UNC79: variants seen among roughly 807,000 people sequenced by gnomAD.
UNC79 encodes the protein unc-79 subunit of NALCN channel complex.
UNC79 carries 37 observed loss-of-function variants against 283.1 expected under a neutral mutation model. That is an observed-to-expected ratio of 0.13 (90% CI 0.10 to 0.17). The LOEUF (loss-of-function observed/expected upper bound fraction) is 0.17. Ranked by LOEUF, UNC79 falls within the 10% of genes least tolerant of loss-of-function variation. The pLI, the probability that UNC79 is intolerant of heterozygous loss-of-function variation, is 1.00. For synonymous variants in UNC79, 1,107 were observed against 1,200.2 expected (o/e 0.92, Z 1.61); for missense variants, 2,272 against 3,211.1 (o/e 0.71, Z 7.07).
chr14:93,681,901 A>G (rs2073874584), intron 41 of UNC79, among the ~76,000 whole-genome samples: 1 of 152,240 alleles, frequency 6.6e-6, no homozygotes, highest in Admixed American at 6.5e-5. Context: ...ATAACTGGCT[A>G]ATGGATTTGC....
intron 1 of UNC79, among the ~76,000 whole-genome samples, chr14:93,375,494 C>G (rs909420645): frequency 5.9e-5 from 9 of 152,242 alleles, no homozygotes; most frequent in African/African-American, 1.9e-4. Flanking sequence ...GTGTATTAGT[C>G]CATTCTCACA....
intron 42 of UNC79, among the ~76,000 whole-genome samples, chr14:93,683,470 A>T (rs1414275679): frequency 6.6e-6 from 1 of 152,152 alleles, no homozygotes; most frequent in East Asian, 1.9e-4. Flanking sequence ...ACTGCAAGGG[A>T]TGATGGGAAA....
intron 22 of UNC79, among the ~76,000 whole-genome samples, chr14:93,588,973 T>C (rs560548294): frequency 9.2e-5 from 14 of 152,224 alleles, no homozygotes; most frequent in Non-Finnish European, 1.8e-4. Flanking sequence ...ACGGCTGACT[T>C]AAGCCTTAAG....
chr14:93,595,992 C>A (rs1258184910), intron 23 of UNC79, among the ~76,000 whole-genome samples: 1 of 152,018 alleles, frequency 6.6e-6, no homozygotes, highest in Non-Finnish European at 1.5e-5. Flanking sequence ...TAGATATGTG[C>A]TAGGTGCTAT....
At chr14:93,560,267 A>G (rs12894988) in intron 14 of UNC79, among the ~76,000 whole-genome samples, 131,494 of 152,142 alleles carry the variant, frequency 0.86, 56,915 homozygotes, top group East Asian at 0.94. Context: ...TTGGGGCTCT[A>G]TCCTTGAGTT....
At chr14:93,630,535 T>C (rs2067942754) in intron 30 of UNC79, among the ~76,000 whole-genome samples, 2 of 152,218 alleles carry the variant, frequency 1.3e-5, no homozygotes, top group Non-Finnish European at 2.9e-5. Context: ...GGATATGCAT[T>C]GTGAACAGCT....
intron 7 of UNC79, among the ~76,000 whole-genome samples, chr14:93,501,319 A>G (rs943570240): frequency 6.6e-6 from 1 of 152,010 alleles, no homozygotes; most frequent in East Asian, 1.9e-4. Flanking sequence ...CCAAGACTCC[A>G]TCTCAAAAAC....
At chr14:93,557,287 T>C (rs1286640935) in intron 14 of UNC79, among the ~76,000 whole-genome samples, 1 of 152,226 alleles carries the variant, frequency 6.6e-6, no homozygotes, top group African/African-American at 2.4e-5. Context: ...ATCTGGACTT[T>C]CTGCTGTTGT....
intron 14 of UNC79, among the ~76,000 whole-genome samples, chr14:93,564,402 C>T (rs12887857): frequency 3.9e-5 from 6 of 152,064 alleles, no homozygotes; most frequent in African/African-American, 7.2e-5. Flanking sequence ...TGGACATGAT[C>T]GGCAGGGAGA....
rs2057691041 is a variant in UNC79, at chr14:93,474,504, G to T, written c.448+111G>T. 1.6e-6 allele frequency: 2 copies of T among 1,225,358 alleles called. No homozygotes were observed. The highest frequency in any genetic ancestry group is 2.6e-5 in the Admixed American group (1 of 38,088). 75.9% of individuals were successfully genotyped at this position (1,225,358 alleles called of 1,614,324 possible). A position where few individuals can be genotyped will look rare whatever the true frequency, so the allele number is the denominator to read the frequency against. ...CTGTTGTAATCAATCACCTGAAAGG[G>T]CTTTGTGTGGCTAGAAGCACTACAC... On this transcript the variant is annotated intron_variant, in intron 3 of 48. Coordinates refer to ENST00000555664, the Ensembl canonical transcript of UNC79. The surrounding 1 kb of genome is among the most constrained non-coding windows in gnomAD (Gnocchi z 4.1).
At chr14:93,409,433 A>G (rs1467584047) in intron 1 of UNC79, among the ~76,000 whole-genome samples, 1 of 152,228 alleles carries the variant, frequency 6.6e-6, no homozygotes, top group African/African-American at 2.4e-5. Flanking sequence ...GCTCATACCT[A>G]TAATTCCAGT....
chr14:93,655,350 A>C (rs1163694093), exon 38 of UNC79: 1 of 1,614,140 alleles, frequency 6.2e-7, no homozygotes. Context: ...TCTGGACCAC[A>C]ATTAGCAACC....
chr14:93,679,236 G>A lies in UNC79; in HGVS notation c.6742-3381G>A, dbSNP rs940767366. On this transcript the variant is annotated intron_variant, in intron 41 of 48. Coordinates refer to ENST00000555664, the Ensembl canonical transcript of UNC79. ...AACACTTTGGGAGGCTGAGGCAGGC[G>A]GATCACGAAGTCAAGAGATCGAGAC... 5.9e-5 allele frequency among the ~76,000 whole-genome samples: 9 copies of A among 152,132 alleles called. No individual in the cohort carries two copies. In the South Asian group the frequency reaches 8.3e-4, roughly 14 times the overall value.
chr14:93,682,761 C>T, intron 42 of UNC79, 67 bp downstream of exon 45: 1 of 1,500,882 alleles, frequency 6.7e-7, no homozygotes, highest in Non-Finnish European at 9.2e-7. Flanking sequence ...AGAATGTAGG[C>T]TTTAGACTTA....
Position 93,370,186 on chromosome 14 carries a change from TAAA to T in UNC79, c.-351+36664_-351+36666del, listed in dbSNP as rs1389646736. ...ACATTACAGGACATTCTAAAAGACA[TAAA>T]GAACGATTTGAAGAAACAGAGCAAG... is the stretch of plus-strand genomic sequence containing the variant. On this transcript the variant is annotated intron_variant, in intron 1 of 49. Coordinates refer to the UNC79 transcript ENST00000256339. Among the ~76,000 whole-genome samples the T allele has an allele frequency of 2.0e-5, 3 of 152,014 alleles. No homozygotes were observed. The East Asian group carries it at 5.8e-4, about 29-fold the overall frequency.
At chr14:93,480,351 C>T (rs1181972295) in intron 4 of UNC79, among the ~76,000 whole-genome samples, 3 of 152,114 alleles carry the variant, frequency 2.0e-5, no homozygotes, top group Admixed American at 1.3e-4. Context: ...TGTTCAGTCT[C>T]GCAGATTACT....
intron 11 of UNC79, 91 bp from the exon 12 acceptor site, chr14:93,537,898 G>T: frequency 7.9e-7 from 1 of 1,260,976 alleles, no homozygotes; most frequent in Non-Finnish European, 1.1e-6. Flanking sequence ...TTGTCACTTC[G>T]AGTGGCCCCT....
intron 1 of UNC79, among the ~76,000 whole-genome samples, chr14:93,414,846 C>G (rs552265473): frequency 6.6e-6 from 1 of 152,088 alleles, no homozygotes; most frequent in African/African-American, 2.4e-5. Flanking sequence ...TATAAGAATG[C>G]TTGTGATTTT....
chr14:93,641,446 A>T (rs535195952), intron 33 of UNC79, among the ~76,000 whole-genome samples, 199 bp downstream of exon 36: 13 of 152,252 alleles, frequency 8.5e-5, no homozygotes, highest in African/African-American at 2.9e-4. Flanking sequence ...TGAGCCCAGG[A>T]GTTTGAGACT....
Sources: gnomAD v4.1 joint callset for allele counts (sites outside exome capture counted in the v4.1 genomes callset) on GRCh38, gnomAD v4.1.1 for gene constraint, Gnocchi (gnomAD v3.1) non-coding constraint, MANE v1.5 for transcripts, NCBI Gene and HGNC (gene_info 2026-07-23, HGNC 2026-07-21) for gene names.